Variants in SMG5 observed in about 807,000 individuals in gnomAD.
The protein encoded by SMG5 is nonsense-mediated mRNA decay factor SMG5.
SMG5 carries 53 observed loss-of-function variants against 122.9 expected under a neutral mutation model. The observed-to-expected ratio is 0.43, with a 90% CI of 0.35 to 0.54. The LOEUF is 0.54. Among genes scored for constraint, SMG5 ranks in the 20% least tolerant of loss-of-function variants. The probability of loss-of-function intolerance (pLI) is 0.01; values close to 1 mark genes in which losing one functional copy is unlikely to be tolerated. For synonymous variants in SMG5, 477 were observed against 490.2 expected (o/e 0.97, Z 0.35); for missense variants, 1,153 against 1,285.6 (o/e 0.90, Z 1.58).
chr1:156,271,502 G>C lies in SMG5; in HGVS notation c.713+818C>G, dbSNP rs181655880. 2.7e-5 allele frequency among the ~76,000 whole-genome samples: 4 copies of C among 149,328 alleles called. No homozygotes were observed. In the East Asian group the frequency reaches 7.9e-4, roughly 29 times the overall value. On this transcript the variant is annotated intron_variant, in intron 7 of 21. Coordinates refer to ENST00000361813, the MANE Select transcript of SMG5 (RefSeq NM_015327.3). ...TACCTATCAGTCTCATGTGCTCTTG[G>C]TTACAGCGACTTGTATGGCGACTCA...
chr1:156,251,326 C>A lies in SMG5; in HGVS notation c.2828+77G>T, dbSNP rs984855260. The A allele has an allele frequency of 2.6e-6, 4 of 1,522,534 alleles. No individual in the cohort carries two copies. The African/African-American group carries it at 4.1e-5, about 16-fold the overall frequency. The allele number at this position is 1,522,534 out of a possible 1,614,324, so 94.3% of individuals were successfully genotyped here. A position where few individuals can be genotyped will look rare whatever the true frequency, so the allele number is the denominator to read the frequency against. ...GGAGCCTCAGAATTATCCAGCCCTA[C>A]CCGTTCTCCCTAGGAATGCTCGTGG... On this transcript the variant is annotated intron_variant, in intron 20 of 21. Transcript: ENST00000361813.
chr1:156,253,944 A>G (rs1661467282), intron 16 of SMG5, among the ~76,000 whole-genome samples: 1 of 152,188 alleles, frequency 6.6e-6, no homozygotes, highest in Non-Finnish European at 1.5e-5. Context: ...CCTGAGCTCC[A>G]GACCCACACA....
intron 16 of SMG5, among the ~76,000 whole-genome samples, chr1:156,256,310 CTTTTTTTTTT>C (rs533116327): frequency 9.3e-4 from 81 of 86,968 alleles, no homozygotes; most frequent in African/African-American, 2.7e-3. Context: ...CATCTTCTCT[CTTTTTTTTTT>C]TTTTTTTTTT....
At chr1:156,285,706 GC>G (rs780694092), upstream of SMG5, 1 of 1,613,246 alleles carries the variant, frequency 6.2e-7, no homozygotes, top group South Asian at 1.1e-5. Flanking sequence ...GAACCTTCAT[GC>G]CCCCCCGGGT....
chr1:156,276,277 C>A (rs956256100), intron 4 of SMG5, among the ~76,000 whole-genome samples: 1 of 152,060 alleles, frequency 6.6e-6, no homozygotes, highest in African/African-American at 2.4e-5. Context: ...TAGGTGCACG[C>A]CACCATGCCC....
chr1:156,261,390 T>C lies in SMG5; in HGVS notation c.2050A>G (p.Asn684Asp). 1.2e-6 allele frequency: 2 copies of C among 1,614,090 alleles called. No individual in the cohort carries two copies. Among genetic ancestry groups the C allele is most frequent in the Non-Finnish European group, 1.7e-6 (2 of 1,180,000 alleles). The change falls in exon 14 of 22, where the codon AAC (asparagine) becomes GAC (aspartate). Residue 684 changes from asparagine (N) to aspartate (D), a missense_variant. Physicochemically the swap from Asn to Asp is conservative, Grantham distance 23. Around this residue, in one of 5 missense-constraint regions of SMG5, gnomAD observed 631 missense variants for 650.6 expected, o/e 0.97. Coordinates refer to ENST00000361813, the MANE Select transcript of SMG5 (RefSeq NM_015327.3). ...AGATTCAGCAACACAGACAGGCGGT[T>C]CCACAGACTTTGAGAGCTCTGGGGA... ...VCAQSSQSLW[N>D]RLSVLLNLLP...
At chr1:156,285,810 G>A (rs138967924), upstream of SMG5, 28 of 1,613,540 alleles carry the variant, frequency 1.7e-5, no homozygotes, top group African/African-American at 2.1e-4. Context: ...TGTGGAGACC[G>A]TGAGTGGCTA....
At chr1:156,287,123 A>C (rs1317118079), upstream of SMG5, among the ~76,000 whole-genome samples, 1 of 152,020 alleles carries the variant, frequency 6.6e-6, no homozygotes, top group Non-Finnish European at 1.5e-5. Context: ...ACTTCATCTC[A>C]AAAAAATAAA....
chr1:156,259,767 C>T lies in SMG5; in HGVS notation c.2284-604G>A, dbSNP rs143133821. ...CTGTTCTTAAACTCCTGAGCTCAAG[C>T]GATCCACCTGCCTTGGCCCCCAACC... On this transcript the variant is annotated intron_variant, in intron 15 of 21. Transcript: ENST00000361813. Among the ~76,000 whole-genome samples, 611 of 152,228 alleles carry T rather than the reference C, an allele frequency of 4.0e-3. 7 individuals carry two copies. The highest frequency in any genetic ancestry group is 0.014 in the African/African-American group (574 of 41,522).
chr1:156,260,920 A>G (rs974100015), intron 14 of SMG5, among the ~76,000 whole-genome samples: 2 of 152,144 alleles, frequency 1.3e-5, no homozygotes, highest in Non-Finnish European at 2.9e-5. Context: ...GGATGAATGA[A>G]TAGCCCTTGG....
rs770497122 is a variant in SMG5 at position 156,250,921 on chromosome 1, G to A, written c.2904C>T (p.Gly968=). 1.2e-6 allele frequency: 2 copies of A among 1,613,966 alleles called. No homozygotes were observed. The highest frequency in any genetic ancestry group is 3.3e-5 in the Admixed American group (2 of 60,006). ...AQGAGEEDPS[G]MVTIITGLPL... is the part of the protein sequence containing the mutation. ...GAAGGCCTGTGATGATGGTCACCAT[G>A]CCACTCGGATCCTCCTCACCTGCCC... The change falls in exon 21 of 22, where the codon GGC becomes GGT. Residue 968 remains glycine (G), a synonymous_variant. Transcript: ENST00000361813.
rs146673584 is a variant in SMG5, at chr1:156,259,775, C to G, written c.2284-612G>C. Among the ~76,000 whole-genome samples, 446 of 152,328 alleles carry G rather than the reference C, an allele frequency of 2.9e-3. 2 individuals carry two copies. Among genetic ancestry groups the G allele is most frequent in the African/African-American group, 0.01 (419 of 41,568 alleles). ...AAACTCCTGAGCTCAAGCGATCCAC[C>G]TGCCTTGGCCCCCAACCAAGTGCTG... On this transcript the variant is annotated intron_variant, in intron 15 of 21. Transcript: ENST00000361813.
rs766869712 is a variant in SMG5, at chr1:156,259,142, T to C, written c.2305A>G (p.Ile769Val). The change falls in exon 16 of 22, where the codon ATC becomes GTC. Residue 769 changes from isoleucine (I) to valine (V), a missense_variant. Around this residue, in one of 5 missense-constraint regions of SMG5, gnomAD observed 631 missense variants for 650.6 expected, o/e 0.97. Coordinates refer to ENST00000361813, the MANE Select transcript of SMG5 (RefSeq NM_015327.3). ...LEESVVRICC[I>V]RSFGHFIARL... ...GCGATGAAATGACCAAAGCTGCGGA[T>C]GCAGCAGATGCGCACCACTGACTGT... The C allele has an allele frequency of 3.6e-5, 58 of 1,592,232 alleles. No homozygotes were observed. The highest frequency in any genetic ancestry group is 4.8e-5 in the Non-Finnish European group (56 of 1,169,460).
intron 9 of SMG5, 69 bp downstream of exon 9, chr1:156,268,046 G>A: frequency 2.6e-6 from 4 of 1,513,396 alleles, no homozygotes; most frequent in Non-Finnish European, 3.6e-6. Flanking sequence ...CCCTTGTCAA[G>A]GTTCCTTCTG....
intron 4 of SMG5, among the ~76,000 whole-genome samples, chr1:156,275,983 T>C (rs1662665847): frequency 6.6e-6 from 1 of 151,994 alleles, no homozygotes; most frequent in East Asian, 1.9e-4. Context: ...CCCAGTTAAA[T>C]TATTTTTTGT....
At chr1:156,268,269 C>A (rs761400871) in intron 8 of SMG5, 21 bp downstream of exon 8, 1 of 1,614,132 alleles carries the variant, frequency 6.2e-7, no homozygotes, top group Non-Finnish European at 8.5e-7. Context: ...AAAACCCGTC[C>A]TCCTCACAGG....
At chr1:156,260,777 A>T (rs1314371691) in intron 14 of SMG5, 151 bp from the exon 15 acceptor site, 2 of 649,910 alleles carry the variant, frequency 3.1e-6, no homozygotes, top group Non-Finnish European at 4.7e-6. Context: ...GGAGTGAAGT[A>T]AAGAGAGATG....
In SMG5 at chr1:156,267,626, T is replaced by C; in HGVS notation, c.961A>G (p.Asn321Asp). 6.2e-7 allele frequency: 1 copy of C among 1,613,086 alleles called. No individual in the cohort carries two copies. The highest frequency in any genetic ancestry group is 1.1e-5 in the South Asian group (1 of 91,008). ...SLCQSVLEDF[N>D]LCLFYLPSSP... ...GAGGGCAGGTAGAAGAGGCAGAGGTTGAAGTCCTCCAGGACTGACTGGCAA... is the reference window on the plus strand; with the variant it reads ...GAGGGCAGGTAGAAGAGGCAGAGGTCGAAGTCCTCCAGGACTGACTGGCAA... The change falls in exon 10 of 22, where the codon AAC (asparagine) becomes GAC (aspartate). Residue 321 changes from asparagine to aspartate, a missense_variant. By Grantham distance (23) the Asn-to-Asp change is conservative (BLOSUM62 1). This residue lies in a region of SMG5 where 631 missense variants were observed against 650.6 expected (regional missense o/e 0.97). Transcript: ENST00000361813.
intron 16 of SMG5, among the ~76,000 whole-genome samples, chr1:156,258,705 A>T (rs1321066827): frequency 6.6e-6 from 1 of 152,196 alleles, no homozygotes; most frequent in South Asian, 2.1e-4. Context: ...CTGAGGCAGG[A>T]GAATCACTTG....
Sources: gnomAD v4.1 joint callset for allele counts (sites outside exome capture counted in the v4.1 genomes callset) on GRCh38, gnomAD v4.1.1 for gene constraint, gnomAD v4.1.1 regional missense constraint, MANE v1.5 for transcripts, NCBI Gene and HGNC (gene_info 2026-07-23, HGNC 2026-07-21) for gene names.